Variants in PTPN13 observed in about 807,000 individuals in gnomAD.
PTPN13 encodes the protein tyrosine-protein phosphatase non-receptor type 13.
Under a neutral mutation model 284.0 loss-of-function variants are expected in PTPN13, and 191 were observed. The observed-to-expected ratio is 0.67, with a 90% CI of 0.60 to 0.76. The LOEUF (loss-of-function observed/expected upper bound fraction) is 0.76, where lower values mean the gene tolerates loss of function less well. Among genes scored for constraint, PTPN13 ranks in the 30% least tolerant of loss-of-function variants. PTPN13 has a pLI of 0.00. For missense variants in PTPN13, 2,797 were observed against 2,939.9 expected, an observed-to-expected ratio of 0.95 and a Z score of 1.12; for synonymous variants, 986 against 1,022.3, an observed-to-expected ratio of 0.96 and a Z score of 0.68.
intron 41 of PTPN13, among the ~76,000 whole-genome samples, chr4:86,798,790 G>A (rs189498469): frequency 7.3e-4 from 111 of 152,216 alleles, no homozygotes; most frequent in Admixed American, 2.6e-3. Flanking sequence ...GCTATATGCC[G>A]GTACAATTGT....
intron 19 of PTPN13, among the ~76,000 whole-genome samples, chr4:86,751,745 GT>G: frequency 6.6e-6 from 1 of 152,244 alleles, no homozygotes; most frequent in East Asian, 1.9e-4. Flanking sequence ...TAATGCTATA[GT>G]TTTGGAGAAG....
At chr4:86,730,423 T>C (rs1734799823) in intron 10 of PTPN13, among the ~76,000 whole-genome samples, 4 of 149,912 alleles carry the variant, frequency 2.7e-5, no homozygotes, top group Admixed American at 2.7e-4. Flanking sequence ...GTGGAGTCTG[T>C]AGAGGAAGCA....
At chr4:86,713,051 A>G (rs575100272) in intron 7 of PTPN13, among the ~76,000 whole-genome samples, 1 of 152,216 alleles carries the variant, frequency 6.6e-6, no homozygotes, top group Admixed American at 6.5e-5. Context: ...TTCATTTATT[A>G]CTTAATATGG....
At chr4:86,703,487 T>C (rs1367088031) in intron 7 of PTPN13, among the ~76,000 whole-genome samples, 6 of 152,048 alleles carry the variant, frequency 3.9e-5, no homozygotes, top group Admixed American at 3.3e-4. Flanking sequence ...ATTATAGTTT[T>C]GAAATAGAAA....
At chr4:86,787,611 C>A (rs904951580) in intron 40 of PTPN13, among the ~76,000 whole-genome samples, 4 of 150,158 alleles carry the variant, frequency 2.7e-5, no homozygotes, top group African/African-American at 7.3e-5. Flanking sequence ...AAAAAAGTCC[C>A]TTTTTAAAAA....
rs151322399 is a variant in PTPN13, at chr4:86,772,543, G to A, written c.5169-235G>A. ...CACTCCAGCCTGGGCAACAGAGTGAGACCGTGTCTCAACAACAACAACAAA... is the reference window on the plus strand; with the variant it reads ...CACTCCAGCCTGGGCAACAGAGTGAAACCGTGTCTCAACAACAACAACAAA... On this transcript the variant is annotated intron_variant, in intron 31 of 47. Transcript: ENST00000411767. Among the ~76,000 whole-genome samples the A allele has an allele frequency of 8.0e-3, 1,217 of 152,144 alleles. 10 individuals carry two copies. The highest frequency in any genetic ancestry group is 0.028 in the African/African-American group (1,152 of 41,488).
intron 47 of PTPN13, among the ~76,000 whole-genome samples, chr4:86,811,826 T>C (rs1745243885): frequency 6.6e-6 from 1 of 152,220 alleles, no homozygotes; most frequent in Non-Finnish European, 1.5e-5. Context: ...CTTTAAAAAT[T>C]AGCATTTGCC....
chr4:86,689,174 T>C lies in PTPN13; in HGVS notation c.530T>C (p.Leu177Pro). Reference protein sequence around the residue: ...SYVKHLVKLVLGNLSGTDQLS... With the variant: ...SYVKHLVKLVPGNLSGTDQLS... ...GTGAAACACTTGGTAAAACTGGTTC[T>C]GGGAAATCTTTCTGGGGTAAGCTAC... Residue 177 changes from leucine (L) to proline (P), a missense_variant, in exon 5 of 48, where the codon CTG becomes CCG. By Grantham distance (98) the Leu-to-Pro change is moderately conservative. Coordinates refer to ENST00000411767, the MANE Select transcript of PTPN13 (RefSeq NM_080683.3). 2 of 1,612,902 alleles carry C rather than the reference T, an allele frequency of 1.2e-6. No homozygotes were observed. Among genetic ancestry groups the C allele is most frequent in the Non-Finnish European group, 1.7e-6 (2 of 1,178,976 alleles).
chr4:86,732,054 A>T (rs547410848), intron 10 of PTPN13, among the ~76,000 whole-genome samples: 3 of 152,356 alleles, frequency 2.0e-5, no homozygotes, highest in Non-Finnish European at 2.9e-5. Flanking sequence ...ACTCTATATT[A>T]CTTCTTCAAG....
At chr4:86,626,668 A>C (rs992918703) in intron 1 of PTPN13, among the ~76,000 whole-genome samples, 2 of 152,090 alleles carry the variant, frequency 1.3e-5, no homozygotes, top group Admixed American at 6.6e-5. Context: ...GGGGATGTAA[A>C]ATGGTGCAGC....
Position 86,815,115 on chromosome 4 carries a change from C to T in PTPN13, c.*564C>T, listed in dbSNP as rs1389502383. 6.6e-6 allele frequency: 1 copy of T among 152,596 alleles called. No homozygotes were observed. Among genetic ancestry groups the T allele is most frequent in the Non-Finnish European group, 1.5e-5 (1 of 68,052 alleles). The allele number at this position is 152,596 out of a possible 1,614,324, so 9.5% of individuals were successfully genotyped here. ...TGCATCATCTGTTTGTAATCATTATCTCACTTTGTAAATAAAAACACACCT... is the reference window on the plus strand; with the variant it reads ...TGCATCATCTGTTTGTAATCATTATTTCACTTTGTAAATAAAAACACACCT... On this transcript the variant is annotated 3_prime_UTR_variant, in exon 48 of 48. Transcript: ENST00000411767.
In PTPN13 at chr4:86,774,513, T is replaced by C; in HGVS notation, c.5490T>C (p.Pro1830=). 1 of 1,601,202 alleles carries C rather than the reference T, an allele frequency of 6.2e-7. No individual in the cohort carries two copies. The highest frequency in any genetic ancestry group is 8.5e-7 in the Non-Finnish European group (1 of 1,173,706). Residue 1830 remains proline, a synonymous_variant, in exon 33 of 48, where the codon CCT becomes CCC. Transcript: ENST00000411767. ...CCAAAAGTGATGGAAGGCTAAAACC[T>C]GGGGACCGGCTCATAAAGGTGAGAC... The part of the protein sequence containing the change: ...DPAKSDGRLK[P]GDRLIKVNDT...
At chr4:86,640,336 A>G (rs567954954) in intron 2 of PTPN13, among the ~76,000 whole-genome samples, 61 of 152,306 alleles carry the variant, frequency 4.0e-4, no homozygotes, top group African/African-American at 6.7e-4. Context: ...GAAAGTATAG[A>G]CAGTCCAGAA....
chr4:86,622,575 A>G (rs1325773591), intron 1 of PTPN13, among the ~76,000 whole-genome samples: 1 of 152,210 alleles, frequency 6.6e-6, no homozygotes, highest in African/African-American at 2.4e-5. Flanking sequence ...AAAGAGATAT[A>G]CAGTGTATAG....
At chr4:86,605,835 A>G (rs1764693934) in intron 1 of PTPN13, among the ~76,000 whole-genome samples, 1 of 151,858 alleles carries the variant, frequency 6.6e-6, no homozygotes, top group South Asian at 2.1e-4. Flanking sequence ...ATAAAGAGAT[A>G]TAGGTAAAGT....
At chr4:86,744,534 T>C (rs113774928) in intron 16 of PTPN13, among the ~76,000 whole-genome samples, 1 of 152,210 alleles carries the variant, frequency 6.6e-6, no homozygotes, top group African/African-American at 2.4e-5. Context: ...AATACAGTCA[T>C]GTGCCATGTA....
rs375954846 is a variant in PTPN13, at chr4:86,635,262, C to T, written c.6C>T (p.His2=). 227 of 1,598,696 alleles carry T rather than the reference C, an allele frequency of 1.4e-4. 1 individual carries two copies. Among genetic ancestry groups the T allele is most frequent in the Non-Finnish European group, 1.6e-4 (191 of 1,172,606 alleles). Residue 2 remains histidine (H), a synonymous_variant, in exon 2 of 48, where the codon CAC becomes CAT. Transcript: ENST00000411767. M[H]VSLAEALEVR... ...ACCTTTGTTTCCCAGGTAATATGCACGTGTCACTAGCTGAGGCCCTGGAGG... is the reference window on the plus strand; with the variant it reads ...ACCTTTGTTTCCCAGGTAATATGCATGTGTCACTAGCTGAGGCCCTGGAGG...
intron 1 of PTPN13, chr4:86,595,854 G>A: frequency 3.2e-6 from 2 of 625,114 alleles, no homozygotes; most frequent in East Asian, 1.4e-4. Context: ...ATGGGGGGGG[G>A]AGTAAAAGTG....
intron 1 of PTPN13, among the ~76,000 whole-genome samples, chr4:86,602,954 C>T (rs1764438776): frequency 6.6e-6 from 1 of 152,136 alleles, no homozygotes; most frequent in Non-Finnish European, 1.5e-5. Context: ...CTGCCTCAGC[C>T]TCTTAAGGTG....
Sources: allele counts gnomAD v4.1 joint callset (sites outside exome capture counted in the v4.1 genomes callset), GRCh38; gene constraint gnomAD v4.1.1; transcripts MANE v1.5; gene names NCBI Gene and HGNC (gene_info 2026-07-23, HGNC 2026-07-21).